FAT3: variants seen among roughly 807,000 people sequenced by gnomAD.
FAT3 encodes the protein protocadherin Fat 3.
A neutral mutation model predicts 310.2 loss-of-function variants in FAT3; 95 were observed. That is an observed-to-expected ratio of 0.31 (90% CI 0.26 to 0.36). The LOEUF (loss-of-function observed/expected upper bound fraction) is 0.36. Ranked by LOEUF, FAT3 falls within the 10% of genes least tolerant of loss-of-function variation. The pLI is 1.00. For synonymous variants in FAT3, 2,314 were observed against 2,192.9 expected, an observed-to-expected ratio of 1.06 and a Z score of -1.54; for missense variants, 5,408 against 5,715.6, an observed-to-expected ratio of 0.95 and a Z score of 1.74.
In FAT3 at chr11:92,801,610, T is replaced by C; in HGVS notation, c.8597T>C (p.Phe2866Ser). Residue 2866 changes from phenylalanine to serine, a missense_variant, in exon 10 of 28, where the codon TTC becomes TCC. Coordinates refer to ENST00000525166, the MANE Select transcript of FAT3 (RefSeq NM_001367949.2). ...DSQPEKVMEAFNIDSNTGWIS... is the reference protein window; with the variant it reads ...DSQPEKVMEASNIDSNTGWIS... The stretch of plus-strand genomic sequence containing the variant: ...CAGCCCGAAAAGGTAATGGAAGCAT[T>C]CAATATTGACAGCAACACGGGCTGG... The C allele has an allele frequency of 6.2e-7, 1 of 1,613,248 alleles. No individual in the cohort carries two copies. Among genetic ancestry groups the C allele is most frequent in the Non-Finnish European group, 8.5e-7 (1 of 1,179,582 alleles).
At position 92,867,089 on chromosome 11, in the gene FAT3, A is replaced by T. The variant is rs1249928826; in HGVS notation, c.12007A>T (p.Ser4003Cys). The T allele has an allele frequency of 6.3e-7, 1 of 1,597,228 alleles. No homozygotes were observed. Among genetic ancestry groups the T allele is most frequent in the East Asian group, 2.3e-5 (1 of 44,144 alleles). ...NNELPLQNKR[S>C]SFAEVVGLTE... ...TGAGCTGCCGCTGCAGAACAAGCGC[A>T]GCAGCTTCGCGGAGGTGGTGGGCCT... Residue 4003 changes from serine (S) to cysteine (C), a missense_variant, in exon 22 of 28, where the codon AGC becomes TGC. Physicochemically the swap from Ser to Cys is moderately radical, Grantham distance 112. Coordinates refer to ENST00000525166, the MANE Select transcript of FAT3 (RefSeq NM_001367949.2).
At chr11:92,625,844 G>C (rs554594135) in intron 3 of FAT3, among the ~76,000 whole-genome samples, 1 of 152,070 alleles carries the variant, frequency 6.6e-6, no homozygotes, top group Non-Finnish European at 1.5e-5. Context: ...TGAAACACTG[G>C]GTCCTATTGA....
Position 92,368,743 on chromosome 11 carries a change from G to C in FAT3, c.3292+13339G>C, listed in dbSNP as rs540947516. ...TTTTGTCTTAATTCCATGCTAAAAT[G>C]CTGGGTGTCTCAGTGCAATGGATAG... On this transcript the variant is annotated intron_variant, in intron 2 of 27. Transcript: ENST00000525166. Among the ~76,000 whole-genome samples the C allele has an allele frequency of 2.9e-4, 44 of 151,882 alleles. No homozygotes were observed. In the South Asian group the frequency reaches 8.5e-3, roughly 29 times the overall value.
intron 14 of FAT3, 118 bp downstream of exon 14, chr11:92,832,129 A>G (rs1167823967): frequency 1.7e-6 from 2 of 1,149,350 alleles, no homozygotes; most frequent in Non-Finnish European, 2.4e-6. Flanking sequence ...CCAGGAGTTC[A>G]GGACTAGCCT....
At chr11:92,595,551 G>A (rs886177095) in intron 3 of FAT3, among the ~76,000 whole-genome samples, 5 of 152,050 alleles carry the variant, frequency 3.3e-5, no homozygotes, top group Non-Finnish European at 5.9e-5. Flanking sequence ...TGTTGAATTT[G>A]GTCTTTCTTT....
rs1371021040 is a variant in FAT3 at position 92,473,800 on chromosome 11, T to C, written c.3293-50834T>C. The stretch of plus-strand genomic sequence containing the variant: ...ACTAGCAAGAAACTCAGAATGCTTT[T>C]ATTTTTCACATAGTTAAATGAAGAT... On this transcript the variant is annotated intron_variant, in intron 2 of 27. Transcript: ENST00000525166. 2.0e-5 allele frequency among the ~76,000 whole-genome samples: 3 copies of C among 152,342 alleles called. No individual in the cohort carries two copies. In the South Asian group the frequency reaches 6.2e-4, roughly 32 times the overall value.
At chr11:92,591,045 G>T (rs536541752) in intron 3 of FAT3, among the ~76,000 whole-genome samples, 2 of 152,066 alleles carry the variant, frequency 1.3e-5, no homozygotes. Flanking sequence ...ATAAAAAATA[G>T]GGCAAACTAA....
intron 4 of FAT3, among the ~76,000 whole-genome samples, chr11:92,719,749 T>C (rs2135969277): frequency 6.6e-6 from 1 of 151,670 alleles, no homozygotes; most frequent in Non-Finnish European, 1.5e-5. Flanking sequence ...TGTGTGTGTG[T>C]GTGTGTGTGT....
At chr11:92,758,777 GC>G (rs1303422213) in intron 4 of FAT3, among the ~76,000 whole-genome samples, 2 of 152,202 alleles carry the variant, frequency 1.3e-5, no homozygotes, top group African/African-American at 4.8e-5. Flanking sequence ...AGAAGAGTTG[GC>G]ATGGGGTGAG....
chr11:92,408,348 G>T (rs1282306728), intron 2 of FAT3, among the ~76,000 whole-genome samples: 1 of 152,142 alleles, frequency 6.6e-6, no homozygotes, highest in African/African-American at 2.4e-5. Context: ...TTTGGCAGGG[G>T]TGTAGGGAGG....
intron 21 of FAT3, among the ~76,000 whole-genome samples, chr11:92,861,207 T>C (rs1231705605): frequency 6.6e-6 from 1 of 152,254 alleles, no homozygotes; most frequent in East Asian, 1.9e-4. Flanking sequence ...CTCTTAGGGC[T>C]CTACGTGGGC....
At chr11:92,524,547 A>C in intron 2 of FAT3, 87 bp from the exon 3 acceptor site, 3 of 1,298,272 alleles carry the variant, frequency 2.3e-6, no homozygotes, top group Non-Finnish European at 3.2e-6. Flanking sequence ...TGCCAAGATT[A>C]TTTAGTGTAG....
chr11:92,336,150 T>C (rs11019909), intron 1 of FAT3: 44,882 of 547,704 alleles, frequency 0.082, 4,771 homozygotes, highest in African/African-American at 0.37. Flanking sequence ...GTGGGCCCAC[T>C]CTCGCATCCT....
At chr11:92,712,877 G>A (rs1944566702) in intron 4 of FAT3, among the ~76,000 whole-genome samples, 2 of 152,200 alleles carry the variant, frequency 1.3e-5, no homozygotes, top group South Asian at 2.1e-4. Context: ...GTTTTCCACA[G>A]TAGGGTTACT....
chr11:92,345,546 C>A (rs1948392160), intron 1 of FAT3, among the ~76,000 whole-genome samples: 1 of 152,154 alleles, frequency 6.6e-6, no homozygotes. Flanking sequence ...ACCCCCAAAT[C>A]TGAAATTTAA....
intron 1 of FAT3, among the ~76,000 whole-genome samples, chr11:92,324,986 C>G (rs1947726948): frequency 1.3e-5 from 2 of 152,188 alleles, no homozygotes; most frequent in South Asian, 4.1e-4. Flanking sequence ...ATTCTAGGAA[C>G]CAGGACCTTT....
Position 92,870,517 on chromosome 11 carries a change from G to A in FAT3, c.12127+3308G>A, listed in dbSNP as rs941986346. Among the ~76,000 whole-genome samples the A allele has an allele frequency of 2.6e-5, 4 of 152,134 alleles. No individual in the cohort carries two copies. In the East Asian group the frequency reaches 7.7e-4, roughly 29 times the overall value. ...ACATGAACTGGAAATAGCAACCACT[G>A]TGGAGAAGCCATGACTAGGTCCCAT... On this transcript the variant is annotated intron_variant, in intron 22 of 27. Transcript: ENST00000525166.
chr11:92,546,427 AT>A (rs1412802108), intron 3 of FAT3, among the ~76,000 whole-genome samples: 1 of 152,212 alleles, frequency 6.6e-6, no homozygotes, highest in Non-Finnish European at 1.5e-5. Context: ...ATTAACAGCA[AT>A]TCATACTCTG....
intron 2 of FAT3, among the ~76,000 whole-genome samples, chr11:92,495,021 T>C (rs921074749): frequency 2.0e-5 from 3 of 152,066 alleles, no homozygotes; most frequent in Admixed American, 2.0e-4. Context: ...ATATACATAC[T>C]GATTTGCAAT....
Sources: gnomAD v4.1 joint callset for allele counts (sites outside exome capture counted in the v4.1 genomes callset) on GRCh38, gnomAD v4.1.1 for gene constraint, MANE v1.5 for transcripts, NCBI Gene and HGNC (gene_info 2026-07-23, HGNC 2026-07-21) for gene names.